The following ZNF208 variants were observed in gnomAD, a reference collection of about 807,000 sequenced individuals.
ZNF208 encodes the protein zinc finger protein 208, also known as zinc finger protein 95.
In ZNF208, 10 loss-of-function variants were observed where a neutral mutation model predicts 12.1. That is an observed-to-expected ratio of 0.83 (90% CI 0.51 to 1.40). The LOEUF is 1.40. Ranked by LOEUF, ZNF208 falls within the 40% of genes most tolerant of loss-of-function variation. The probability of loss-of-function intolerance (pLI) is 0.00; values close to 1 mark genes in which losing one functional copy is unlikely to be tolerated. For missense variants in ZNF208, 1,652 were observed against 1,485.0 expected, an observed-to-expected ratio of 1.11 and a Z score of -1.85; for synonymous variants, 497 against 488.4, an observed-to-expected ratio of 1.02 and a Z score of -0.23.
At chr19:21,993,404 AAAC>A (rs1157134212) in intron 1 of ZNF208, among the ~76,000 whole-genome samples, 1 of 152,154 alleles carries the variant, frequency 6.6e-6, no homozygotes, top group African/African-American at 2.4e-5. Flanking sequence ...CACTTAATTA[AAAC>A]AACATGGATG....
At chr19:21,986,740 T>G in intron 3 of ZNF208, 1 of 291,396 alleles carries the variant, frequency 3.4e-6, no homozygotes, top group Non-Finnish European at 6.3e-6. Context: ...CTTTATAATT[T>G]CAAACTATAT....
intron 3 of ZNF208, among the ~76,000 whole-genome samples, chr19:21,979,877 G>T (rs149156827): frequency 6.6e-6 from 1 of 152,184 alleles, no homozygotes; most frequent in East Asian, 1.9e-4. Flanking sequence ...AAGTTATGGA[G>T]GAATATTTAC....
At chr19:21,957,780 T>G (rs562264883) in intron 4 of ZNF208, among the ~76,000 whole-genome samples, 2 of 152,292 alleles carry the variant, frequency 1.3e-5, no homozygotes, top group African/African-American at 4.8e-5. Context: ...ATAAAGTCTA[T>G]TTTGCAAACA....
At chr19:21,993,253 C>T (rs1312838307) in intron 1 of ZNF208, among the ~76,000 whole-genome samples, 1 of 152,128 alleles carries the variant, frequency 6.6e-6, no homozygotes, top group Non-Finnish European at 1.5e-5. Context: ...GAAATATGGG[C>T]CACGCTGTAC....
chr19:22,003,416 T>C (rs192359393), intron 1 of ZNF208, among the ~76,000 whole-genome samples: 1 of 151,934 alleles, frequency 6.6e-6, no homozygotes, highest in East Asian at 1.9e-4. Context: ...TAGAAAATAT[T>C]TGCAAACTAT....
chr19:21,971,700 G>T lies in ZNF208; in HGVS notation c.3334C>A (p.Pro1112Thr), dbSNP rs769480170. The change falls in exon 4 of 4, where the codon CCC becomes ACC. Residue 1112 changes from proline to threonine, a missense_variant. Physicochemically the swap from Pro to Thr is conservative, Grantham distance 38. Transcript: ENST00000397126. ...TTGCCACATTCTTCACATTTGTAGG[G>T]TTTCTCTCCAGTATGAATTCTCTTA... ...EHKRIHTGEK[P>T]YKCEECGKSF... The T allele has an allele frequency of 6.8e-6, 11 of 1,613,742 alleles. No individual in the cohort carries two copies. The highest frequency in any genetic ancestry group is 9.3e-6 in the Non-Finnish European group (11 of 1,179,980).
chr19:21,948,752 C>A (rs1341236967), intron 4 of ZNF208, among the ~76,000 whole-genome samples: 1 of 151,408 alleles, frequency 6.6e-6, no homozygotes, highest in Non-Finnish European at 1.5e-5. Flanking sequence ...TTAAGCCAAA[C>A]CCTAACTGTT....
At chr19:21,960,107 G>GTT (rs1423799047) in intron 4 of ZNF208, among the ~76,000 whole-genome samples, 2 of 152,112 alleles carry the variant, frequency 1.3e-5, no homozygotes, top group African/African-American at 4.8e-5. Context: ...TCTTACAACT[G>GTT]TGAGAAATGA....
rs1310919499 is a variant in ZNF208 at position 21,970,857 on chromosome 19, T to G, written c.*334A>C. On this transcript the variant is annotated 3_prime_UTR_variant, in exon 4 of 4. Transcript: ENST00000397126. ...GGCTTTGCCACTTTCTTCACATTTG[T>G]AGGGTTTCTCTCCAGTATGAATTTT... 15 of 1,506,002 alleles carry G rather than the reference T, an allele frequency of 1.0e-5. No homozygotes were observed. The African/African-American group carries it at 1.7e-4, about 17-fold the overall frequency. 93.3% of individuals were successfully genotyped at this position (1,506,002 alleles called of 1,614,324 possible).
intron 4 of ZNF208, chr19:21,941,447 A>C: frequency 2.5e-6 from 1 of 399,072 alleles, no homozygotes; most frequent in Non-Finnish European, 4.4e-6. Context: ...ATACCATCAC[A>C]GTCACCACAC....
chr19:21,973,206 T>G lies in ZNF208; in HGVS notation c.1828A>C (p.Lys610Gln), dbSNP rs753169164. Residue 610 changes from lysine (K) to glutamine (Q), a missense_variant, in exon 4 of 4, where the codon AAA (lysine) becomes CAA (glutamine). This residue lies in a region of ZNF208 where 1,239 missense variants were observed against 1,086.2 expected (regional missense o/e 1.14). Coordinates refer to ENST00000397126, the MANE Select transcript of ZNF208 (RefSeq NM_007153.3). Reference protein sequence around the residue: ...KRIHTGEKPYKCEECGKTFSK... With the variant: ...KRIHTGEKPYQCEECGKTFSK... The stretch of plus-strand genomic sequence containing the variant: ...AAGGTTTTGCCACATTCTTCACATT[T>G]GTAGGGTTTCTCACCAGTATGAATT... 3 of 1,613,718 alleles carry G rather than the reference T, an allele frequency of 1.9e-6. No homozygotes were observed. The South Asian group carries it at 3.3e-5, about 18-fold the overall frequency.
Position 21,970,691 on chromosome 19 carries a change from A to C in ZNF208, c.*500T>G, listed in dbSNP as rs1276284506. 2.0e-5 allele frequency: 23 copies of C among 1,139,878 alleles called. No individual in the cohort carries two copies. Among genetic ancestry groups the C allele is most frequent in the Non-Finnish European group, 2.9e-5 (22 of 761,838 alleles). The allele number at this position is 1,139,878 out of a possible 1,614,324, so 70.6% of individuals were successfully genotyped here. On this transcript the variant is annotated 3_prime_UTR_variant, in exon 4 of 4. Transcript: ENST00000397126. The stretch of plus-strand genomic sequence containing the variant: ...CCTTTGCCACATTCTTCTCATTTGT[A>C]GAGTTTCTCTCCAGCATGAATTTTC...
chr19:21,979,969 A>C (rs1568448185), intron 3 of ZNF208, among the ~76,000 whole-genome samples: 1 of 152,230 alleles, frequency 6.6e-6, no homozygotes, highest in Non-Finnish European at 1.5e-5. Flanking sequence ...AAAGATCAAA[A>C]GAGACAAAGA....
downstream of ZNF208, among the ~76,000 whole-genome samples, chr19:21,963,648 C>T (rs1420753503): frequency 2.0e-5 from 3 of 151,962 alleles, no homozygotes; most frequent in Non-Finnish European, 4.4e-5. Context: ...CTTATTGAAT[C>T]TAGTCATACT....
chr19:21,944,491 C>T (rs1324390566), intron 4 of ZNF208, among the ~76,000 whole-genome samples: 1 of 152,056 alleles, frequency 6.6e-6, no homozygotes, highest in Non-Finnish European at 1.5e-5. Context: ...TACCCACTCA[C>T]TTATAATAAA....
At chr19:22,008,807 G>C (rs906085972) in intron 1 of ZNF208, among the ~76,000 whole-genome samples, 1 of 151,988 alleles carries the variant, frequency 6.6e-6, no homozygotes, top group Non-Finnish European at 1.5e-5. Context: ...TCAGCCCCAG[G>C]GTATTCACCT....
intron 1 of ZNF208, among the ~76,000 whole-genome samples, chr19:21,995,078 A>G (rs1230198456): frequency 6.6e-6 from 1 of 151,620 alleles, no homozygotes. Context: ...CAGCCTCCCA[A>G]GTAGCCAGGA....
Position 21,968,361 on chromosome 19 carries a change from T to C in ZNF208, c.*2830A>G, listed in dbSNP as rs904163079. 1.3e-5 allele frequency: 2 copies of C among 152,170 alleles called. No individual in the cohort carries two copies. Among genetic ancestry groups the C allele is most frequent in the African/African-American group, 2.4e-5 (1 of 41,468 alleles). The allele number at this position is 152,170 out of a possible 1,614,324, so 9.4% of individuals were successfully genotyped here. On this transcript the variant is annotated 3_prime_UTR_variant, in exon 4 of 4. Coordinates refer to ENST00000397126, the MANE Select transcript of ZNF208 (RefSeq NM_007153.3). ...AAGGATTTGTCATAGATGACTCTTATTAAGATATTTTCATCAATGTCCAGT... is the reference window on the plus strand; with the variant it reads ...AAGGATTTGTCATAGATGACTCTTACTAAGATATTTTCATCAATGTCCAGT...
intron 1 of ZNF208, among the ~76,000 whole-genome samples, chr19:22,006,935 G>T (rs1399884237): frequency 6.6e-6 from 1 of 151,878 alleles, no homozygotes; most frequent in Non-Finnish European, 1.5e-5. Context: ...CAGTTATATG[G>T]GAACACTTCT....
Sources: allele counts gnomAD v4.1 joint callset (sites outside exome capture counted in the v4.1 genomes callset), GRCh38; gene constraint gnomAD v4.1.1; regional missense constraint gnomAD v4.1.1; transcripts MANE v1.5; gene names NCBI Gene and HGNC (gene_info 2026-07-23, HGNC 2026-07-21).